Variants in EIF3A observed in about 807,000 individuals in gnomAD.
EIF3A encodes eukaryotic translation initiation factor 3 subunit A, also known as EIF3, p180 subunit.
In EIF3A, 21 loss-of-function variants were observed where a neutral mutation model predicts 186.6. The observed-to-expected ratio is 0.11, with a 90% CI of 0.08 to 0.16. The LOEUF is 0.16. EIF3A is among the 10% of genes least tolerant of loss of function. The pLI is 1.00. For synonymous variants in EIF3A, 563 were observed against 584.3 expected (o/e 0.96, Z 0.52); for missense variants, 1,306 against 1,796.3 (o/e 0.73, Z 4.93).
chr10:119,055,160 A>C (rs919595368), intron 14 of EIF3A, among the ~76,000 whole-genome samples: 1 of 152,184 alleles, frequency 6.6e-6, no homozygotes, highest in Non-Finnish European at 1.5e-5. Flanking sequence ...CAGTGTGCCG[A>C]GATTGCGCCA....
chr10:119,041,202 C>T (rs758889808), intron 19 of EIF3A, among the ~76,000 whole-genome samples: 125 of 151,682 alleles, frequency 8.2e-4, no homozygotes, highest in Non-Finnish European at 1.5e-3. Context: ...TGGTAATAGA[C>T]GCATGTCACA....
chr10:119,080,531 G>C, intron 1 of EIF3A, 97 bp downstream of exon 1: 1 of 1,442,640 alleles, frequency 6.9e-7, no homozygotes, highest in Admixed American at 3.0e-5. Flanking sequence ...CTCTCCCCGC[G>C]CGGGCCGGGC....
At position 119,042,707 on chromosome 10, in the gene EIF3A, C is replaced by T. The variant is rs779403737; in HGVS notation, c.2813G>A (p.Arg938Gln). ...TCTATCTTCATCATCCCCCAGACGC[C>T]GGGGCCGCTCTTCATCTCTTCTATG... ...RSHRRDEERP[R>Q]RLGDDEDREP... The change falls in exon 19 of 22, where the codon CGG (arginine) becomes CAG (glutamine). Residue 938 changes from arginine (R) to glutamine (Q), a missense_variant. Around this residue, in one of 8 missense-constraint regions of EIF3A, gnomAD observed 410 missense variants for 473.5 expected, o/e 0.87. Transcript: ENST00000369144. This position sits in a 1 kb window ranked among gnomAD's most constrained non-coding sequence, Gnocchi z 7.8. 9 of 1,613,808 alleles carry T rather than the reference C, an allele frequency of 5.6e-6. No individual in the cohort carries two copies. The highest frequency in any genetic ancestry group is 3.3e-5 in the South Asian group (3 of 91,086).
chr10:119,080,689 C>T lies in EIF3A; in HGVS notation c.-13G>A. 1 of 1,590,292 alleles carries T rather than the reference C, an allele frequency of 6.3e-7. No homozygotes were observed. The highest frequency in any genetic ancestry group is 8.5e-7 in the Non-Finnish European group (1 of 1,169,786). On this transcript the variant is annotated 5_prime_UTR_variant, in exon 1 of 22. Transcript: ENST00000369144. ...AATAGGCCGGCATCTTGGCGGCAGGCTCAGCTCACCCGGCGTCAGCGAACT... is the reference window on the plus strand; with the variant it reads ...AATAGGCCGGCATCTTGGCGGCAGGTTCAGCTCACCCGGCGTCAGCGAACT...
chr10:119,072,261 A>T (rs1844088658), intron 4 of EIF3A, among the ~76,000 whole-genome samples: 1 of 151,288 alleles, frequency 6.6e-6, no homozygotes. Flanking sequence ...AAAAAAATGG[A>T]AAAGTTTATT....
intron 1 of EIF3A, among the ~76,000 whole-genome samples, chr10:119,074,618 C>CT (rs530924151): frequency 0.022 from 3,156 of 145,580 alleles, 105 homozygotes; most frequent in African/African-American, 0.072. Context: ...CTAAAAAATT[C>CT]TTTTTTTTTT....
Position 119,035,766 on chromosome 10 carries a change from A to G in EIF3A, c.*273T>C. ...CAATACCTGAAGGGTCACATTTTAA[A>G]TTTATTTTTTAGTTTTTCTTTTTTG... On this transcript the variant is annotated 3_prime_UTR_variant, in exon 22 of 22. Transcript: ENST00000369144. 2.8e-6 allele frequency: 1 copy of G among 353,880 alleles called. No individual in the cohort carries two copies. The highest frequency in any genetic ancestry group is 8.2e-4 in the Middle Eastern group (1 of 1,224). The allele number at this position is 353,880 out of a possible 1,614,324, so 21.9% of individuals were successfully genotyped here.
intron 4 of EIF3A, among the ~76,000 whole-genome samples, chr10:119,072,024 CAAAAAAAAAAAAA>C (rs56100757): frequency 1.3e-4 from 8 of 59,472 alleles, no homozygotes; most frequent in African/African-American, 4.2e-4. Flanking sequence ...GACTCTGTCT[CAAAAAAAAAAAAA>C]AAAAAAAAAG....
At chr10:119,075,265 A>C (rs1346645073) in intron 1 of EIF3A, among the ~76,000 whole-genome samples, 1 of 152,046 alleles carries the variant, frequency 6.6e-6, no homozygotes, top group Non-Finnish European at 1.5e-5. Context: ...CAGACAACTT[A>C]TATTCTTTTG....
At chr10:119,064,766 G>A (rs561229504) in intron 7 of EIF3A, among the ~76,000 whole-genome samples, 13 of 152,294 alleles carry the variant, frequency 8.5e-5, no homozygotes, top group Non-Finnish European at 1.5e-4. Flanking sequence ...GGAGTGCAGC[G>A]GCACGATCTC....
intron 11 of EIF3A, 44 bp from the exon 12 acceptor site, chr10:119,058,347 T>C: frequency 2.9e-6 from 4 of 1,356,442 alleles, no homozygotes; most frequent in Non-Finnish European, 4.0e-6. Context: ...AAATTAACAT[T>C]CTCTGGTATT....
intron 17 of EIF3A, among the ~76,000 whole-genome samples, chr10:119,045,054 T>C (rs553404646): frequency 6.6e-6 from 1 of 151,630 alleles, no homozygotes; most frequent in Non-Finnish European, 1.5e-5. Context: ...AAGCTATTCT[T>C]GAGCCTTAGC....
intron 1 of EIF3A, among the ~76,000 whole-genome samples, chr10:119,078,228 TATA>T (rs1444853620): frequency 6.6e-6 from 1 of 152,146 alleles, no homozygotes; most frequent in African/African-American, 2.4e-5. Flanking sequence ...CCACTAATGA[TATA>T]ATATGAAAAA....
chr10:119,065,879 G>A (rs1353761366), intron 6 of EIF3A, among the ~76,000 whole-genome samples: 1 of 152,066 alleles, frequency 6.6e-6, no homozygotes, highest in Non-Finnish European at 1.5e-5. Flanking sequence ...CACTTTGGGA[G>A]GCCAAGGGGG....
Position 119,042,584 on chromosome 10 carries a change from C to T in EIF3A, c.2936G>A (p.Arg979His), listed in dbSNP as rs201081411. 6 of 1,614,050 alleles carry T rather than the reference C, an allele frequency of 3.7e-6. No individual in the cohort carries two copies. Among genetic ancestry groups the T allele is most frequent in the South Asian group, 2.2e-5 (2 of 91,082 alleles). Residue 979 changes from arginine (R) to histidine (H), a missense_variant, in exon 19 of 22, where the codon CGT (arginine) becomes CAT (histidine). Around this residue, in one of 8 missense-constraint regions of EIF3A, gnomAD observed 410 missense variants for 473.5 expected, o/e 0.87. Coordinates refer to ENST00000369144, the MANE Select transcript of EIF3A (RefSeq NM_003750.4). The surrounding 1 kb of genome is among the most constrained non-coding windows in gnomAD (Gnocchi z 7.8). Reference sequence around the variant, plus strand: ...AGGCCGGTCATCGTCTGCCCCACGACGAGAGAACCTATCTTCCTCAGGACC... The same window carrying T: ...AGGCCGGTCATCGTCTGCCCCACGATGAGAGAACCTATCTTCCTCAGGACC... ...RRGPEEDRFS[R>H]RGADDDRPSW...
chr10:119,071,772 T>C (rs939740413), intron 4 of EIF3A, among the ~76,000 whole-genome samples: 2 of 152,124 alleles, frequency 1.3e-5, no homozygotes, highest in African/African-American at 4.8e-5. Flanking sequence ...ACGCCTGTAA[T>C]CCCAGCACTT....
At chr10:119,075,632 T>C (rs1006874739) in intron 1 of EIF3A, among the ~76,000 whole-genome samples, 14 of 99,562 alleles carry the variant, frequency 1.4e-4, no homozygotes, top group African/African-American at 4.6e-4. Context: ...GGGGGGGAGC[T>C]TAAAACACTA....
Position 119,036,168 on chromosome 10 carries a change from T to C in EIF3A, c.4020A>G (p.Glu1340=). The C allele has an allele frequency of 1.2e-6, 2 of 1,613,788 alleles. No individual in the cohort carries two copies. The highest frequency in any genetic ancestry group is 1.7e-6 in the Non-Finnish European group (2 of 1,179,906). The change falls in exon 22 of 22, where the codon GAA becomes GAG. Residue 1340 remains glutamate, a synonymous_variant. Transcript: ENST00000369144. ...CTTCTCTTTCTCGGTCTCGGTCTCT[T>C]TCTCGGTCTCTTGAAAGAGCTGGGG... ...VPPPALSRDR[E]RDRDREREGE...
chr10:119,074,918 C>CA (rs1170284096), intron 1 of EIF3A, among the ~76,000 whole-genome samples: 10,872 of 25,152 alleles, frequency 0.43, 2,074 homozygotes, highest in Non-Finnish European at 0.54. Flanking sequence ...AACTCCAACT[C>CA]AAAAAAAAAA....
Sources: gnomAD v4.1 joint callset for allele counts (sites outside exome capture counted in the v4.1 genomes callset) on GRCh38, gnomAD v4.1.1 for gene constraint, gnomAD v4.1.1 regional missense constraint, Gnocchi (gnomAD v3.1) non-coding constraint, MANE v1.5 for transcripts, NCBI Gene and HGNC (gene_info 2026-07-23, HGNC 2026-07-21) for gene names.